Variants in KANSL1 observed in about 807,000 individuals in gnomAD.
KANSL1 encodes the protein KAT8 regulatory NSL complex subunit 1, also known as MLL1/MLL complex subunit KANSL1.
In KANSL1, 22 loss-of-function variants were observed where a neutral mutation model predicts 103.6. The ratio of observed to expected loss-of-function variants is 0.21; its 90% CI spans 0.15 to 0.30. The LOEUF (loss-of-function observed/expected upper bound fraction) is 0.30, where lower values mean the gene tolerates loss of function less well. Among genes scored for constraint, KANSL1 ranks in the 10% least tolerant of loss-of-function variants. The probability of loss-of-function intolerance (pLI) is 1.00; values close to 1 mark genes in which losing one functional copy is unlikely to be tolerated. For synonymous variants in KANSL1, 600 were observed against 527.6 expected, an observed-to-expected ratio of 1.14 and a Z score of -1.88; for missense variants, 1,337 against 1,399.8, an observed-to-expected ratio of 0.96 and a Z score of 0.72.
intron 2 of KANSL1, among the ~76,000 whole-genome samples, chr17:46,136,477 A>T (rs2044150285): frequency 6.6e-6 from 1 of 152,260 alleles, no homozygotes; most frequent in Non-Finnish European, 1.5e-5. Context: ...ACAAATGCTA[A>T]GGAGTAAAAT....
Position 46,033,399 on chromosome 17 carries a change from T to A in KANSL1, c.2724+4A>T. 1 of 1,613,912 alleles carries A rather than the reference T, an allele frequency of 6.2e-7. No individual in the cohort carries two copies. Among genetic ancestry groups the A allele is most frequent in the Non-Finnish European group, 8.5e-7 (1 of 1,179,816 alleles). Reference sequence around the variant, plus strand: ...TTCTTCTAACAGAAGAACCAGGCCATTACCTCTTCATTCTCCTCATCAGGA... The same window carrying A: ...TTCTTCTAACAGAAGAACCAGGCCAATACCTCTTCATTCTCCTCATCAGGA... On this transcript the variant is annotated splice_donor_region_variant and intron_variant, in intron 12 of 14. Transcript: ENST00000432791.
chr17:46,092,542 AAG>A (rs1233080913), intron 3 of KANSL1, among the ~76,000 whole-genome samples: 11 of 152,334 alleles, frequency 7.2e-5, no homozygotes, highest in Non-Finnish European at 1.5e-4. Context: ...ATAGTCAACA[AAG>A]AAAGCCAATA....
chr17:46,063,985 A>G (rs1450545679), intron 6 of KANSL1, among the ~76,000 whole-genome samples: 1 of 149,254 alleles, frequency 6.7e-6, no homozygotes, highest in African/African-American at 2.5e-5. Flanking sequence ...CTTGACAGTA[A>G]TATACTGTTT....
chr17:46,141,262 T>C (rs1202889637), intron 2 of KANSL1, among the ~76,000 whole-genome samples: 3 of 152,206 alleles, frequency 2.0e-5, no homozygotes, highest in Non-Finnish European at 2.9e-5. Flanking sequence ...TTAAACCCAG[T>C]AGGTCTCAGG....
rs141104193 is a variant in KANSL1 at position 46,057,708 on chromosome 17, A to G, written c.1849-7004T>C. ...TCACTGTTTTTTAAATGCACTAAAA[A>G]TAAGATGGATTAATAAATGGAAGGA... On this transcript the variant is annotated intron_variant, in intron 6 of 14. Coordinates refer to ENST00000432791, the MANE Select transcript of KANSL1 (RefSeq NM_015443.4). Among the ~76,000 whole-genome samples the G allele has an allele frequency of 3.9e-5, 6 of 152,368 alleles. No homozygotes were observed. In the East Asian group the frequency reaches 5.8e-4, roughly 15 times the overall value.
intron 1 of KANSL1, among the ~76,000 whole-genome samples, chr17:46,214,373 G>A (rs887184492): frequency 6.6e-6 from 1 of 152,202 alleles, no homozygotes; most frequent in Non-Finnish European, 1.5e-5. Context: ...AGCAGTGATG[G>A]CCGGGTATGG....
intron 1 of KANSL1, among the ~76,000 whole-genome samples, chr17:46,221,019 A>G (rs1228766049): frequency 6.8e-6 from 1 of 148,050 alleles, no homozygotes; most frequent in Non-Finnish European, 1.5e-5. Context: ...TTTTGCATAC[A>G]TACACCAATG....
At chr17:46,195,731 CT>C (rs1290307758), upstream of KANSL1, among the ~76,000 whole-genome samples, 4 of 152,132 alleles carry the variant, frequency 2.6e-5, no homozygotes, top group Non-Finnish European at 5.9e-5. Context: ...ATTTTTTTCA[CT>C]CCTTTTTGTT....
At chr17:46,053,300 T>C (rs2077792236) in intron 6 of KANSL1, among the ~76,000 whole-genome samples, 1 of 151,574 alleles carries the variant, frequency 6.6e-6, no homozygotes, top group Non-Finnish European at 1.5e-5. Flanking sequence ...AATTTAAAAA[T>C]TTAAAAAAAT....
At chr17:46,051,649 C>T (rs1298863592) in intron 6 of KANSL1, among the ~76,000 whole-genome samples, 1 of 152,138 alleles carries the variant, frequency 6.6e-6, no homozygotes. Context: ...GGACACACAG[C>T]CCCAGAAAAA....
chr17:46,097,147 C>A (rs62061803), intron 2 of KANSL1, among the ~76,000 whole-genome samples: 21,664 of 151,932 alleles, frequency 0.14, 2,126 homozygotes, highest in Non-Finnish European at 0.22. Flanking sequence ...TTCTGCTGAA[C>A]TTGGTAAATA....
intron 3 of KANSL1, among the ~76,000 whole-genome samples, chr17:46,088,010 T>C (rs528919631): frequency 1.1e-4 from 17 of 152,284 alleles, no homozygotes; most frequent in Admixed American, 5.2e-4. Context: ...TACTATGAAA[T>C]AGCAACCGGT....
intron 10 of KANSL1, chr17:46,035,725 C>G (rs1449561140): frequency 1.3e-5 from 2 of 152,156 alleles, no homozygotes; most frequent in Non-Finnish European, 2.9e-5. Flanking sequence ...ACAGCCTTCC[C>G]AGTATCTTGG....
chr17:46,085,893 G>C (rs1354470469), intron 3 of KANSL1, among the ~76,000 whole-genome samples: 1 of 152,152 alleles, frequency 6.6e-6, no homozygotes, highest in East Asian at 1.9e-4. Context: ...CTCTCAAAGT[G>C]CTGGGATTAC....
At position 46,172,063 on chromosome 17, in the gene KANSL1, A is replaced by G; in HGVS notation, c.81T>C (p.Ser27=). The change falls in exon 2 of 15, where the codon TCT becomes TCC. Residue 27 remains serine, a synonymous_variant. Coordinates refer to ENST00000432791, the MANE Select transcript of KANSL1 (RefSeq NM_015443.4). Reference sequence around the variant, plus strand: ...TTTCGGCACTGCCAGGGGACAAGGTAGAGGATGGGGGAGCCAGTTTGAACC... The same window carrying G: ...TTTCGGCACTGCCAGGGGACAAGGTGGAGGATGGGGGAGCCAGTTTGAACC... ...HIRFKLAPPS[S]TLSPGSAENN... is the part of the protein sequence containing the mutation. 1 of 1,614,098 alleles carries G rather than the reference A, an allele frequency of 6.2e-7. No individual in the cohort carries two copies. Among genetic ancestry groups the G allele is most frequent in the Non-Finnish European group, 8.5e-7 (1 of 1,180,050 alleles).
chr17:46,054,331 G>A (rs2077840013), intron 6 of KANSL1, among the ~76,000 whole-genome samples: 1 of 152,308 alleles, frequency 6.6e-6, no homozygotes, highest in Non-Finnish European at 1.5e-5. Context: ...TGGGATTACA[G>A]GCGTGAGCCA....
chr17:46,146,861 G>C (rs1210076531), intron 2 of KANSL1, among the ~76,000 whole-genome samples: 1 of 143,044 alleles, frequency 7.0e-6, no homozygotes, highest in Non-Finnish European at 1.5e-5. Flanking sequence ...AAAAAAAGAA[G>C]TTGACAGGCC....
chr17:46,146,650 G>A lies in KANSL1; in HGVS notation c.1289+24205C>T, dbSNP rs867363971. On this transcript the variant is annotated intron_variant, in intron 2 of 14. Coordinates refer to ENST00000432791, the MANE Select transcript of KANSL1 (RefSeq NM_015443.4). ...AGATCGAGACCATCCCAGCTAAAAC[G>A]GTGAAACCCCGTCTCTACTAAAAAT... is the stretch of plus-strand genomic sequence containing the variant. 3.4e-5 allele frequency among the ~76,000 whole-genome samples: 4 copies of A among 117,350 alleles called. 1 individual carries two copies. Among genetic ancestry groups the A allele is most frequent in the Non-Finnish European group, 8.9e-5 (4 of 45,012 alleles). 77.0% of individuals were successfully genotyped at this position (117,350 alleles called of 152,430 possible).
At chr17:46,214,959 G>A (rs1239281239) in intron 1 of KANSL1, 3 of 152,342 alleles carry the variant, frequency 2.0e-5, no homozygotes, top group South Asian at 2.1e-4. Flanking sequence ...ATGCTTCTTG[G>A]TCATTTGTAT....
Sources: gnomAD v4.1 joint callset for allele counts (sites outside exome capture counted in the v4.1 genomes callset) on GRCh38, gnomAD v4.1.1 for gene constraint, MANE v1.5 for transcripts, NCBI Gene and HGNC (gene_info 2026-07-23, HGNC 2026-07-21) for gene names.